SPTAN1: variants seen among roughly 807,000 people sequenced by gnomAD.
SPTAN1 encodes the protein spectrin alpha chain, non-erythrocytic 1.
A neutral mutation model predicts 331.3 loss-of-function variants in SPTAN1; 61 were observed. The observed-to-expected ratio is 0.18, with a 90% CI of 0.15 to 0.23. The LOEUF (loss-of-function observed/expected upper bound fraction) is 0.23, where lower values mean the gene tolerates loss of function less well. Ranked by LOEUF, SPTAN1 falls within the 10% of genes least tolerant of loss-of-function variation. SPTAN1 has a pLI of 1.00. For synonymous variants in SPTAN1, 1,153 were observed against 1,173.9 expected (o/e 0.98, Z 0.36); for missense variants, 2,043 against 3,147.9 (o/e 0.65, Z 8.40).
Position 128,617,623 on chromosome 9 carries a change from T to A in SPTAN1, c.5358-17T>A, listed in dbSNP as rs1857334623. 6.2e-7 allele frequency: 1 copy of A among 1,614,142 alleles called. No homozygotes were observed. Among genetic ancestry groups the A allele is most frequent in the Non-Finnish European group, 8.5e-7 (1 of 1,180,000 alleles). ...AGGTGCAGAGACTGACTGTGCTGTT[T>A]CCCATCTCTCATTCAGGGAGAAGAA... is the stretch of plus-strand genomic sequence containing the variant. On this transcript the variant is annotated splice_polypyrimidine_tract_variant and intron_variant, in intron 41 of 56. Coordinates refer to ENST00000372739, the MANE Select transcript of SPTAN1 (RefSeq NM_001130438.3).
Position 128,577,023 on chromosome 9 carries a change from A to G in SPTAN1, c.785+67A>G. 1 of 1,613,228 alleles carries G rather than the reference A, an allele frequency of 6.2e-7. No individual in the cohort carries two copies. Among genetic ancestry groups the G allele is most frequent in the South Asian group, 1.1e-5 (1 of 91,048 alleles). On this transcript the variant is annotated intron_variant, in intron 6 of 56. Coordinates refer to ENST00000372739, the MANE Select transcript of SPTAN1 (RefSeq NM_001130438.3). This position sits in a 1 kb window ranked among gnomAD's most constrained non-coding sequence, Gnocchi z 4.2. ...GGAGGGGAGTTGTGAAGCACAGGGC[A>G]TGTGCTGGTGAGCTGTCGAGGCTGA...
chr9:128,617,869 C>A (rs982622279), intron 42 of SPTAN1, 109 bp downstream of exon 42: 41 of 1,611,374 alleles, frequency 2.5e-5, no homozygotes, highest in Non-Finnish European at 3.3e-5. Flanking sequence ...TGTTCATGAC[C>A]CCTCAGTCCA....
chr9:128,570,689 T>C lies in SPTAN1; in HGVS notation c.363+1792T>C, dbSNP rs924042176. On this transcript the variant is annotated intron_variant, in intron 3 of 56. Transcript: ENST00000372739. ...ATTTATTTTTGAGATGGAGTTTTGC[T>C]CTTGTTGCCCCGGCTGGAGTGGAAT... Among the ~76,000 whole-genome samples the C allele has an allele frequency of 2.0e-5, 3 of 151,180 alleles. No individual in the cohort carries two copies. In the Admixed American group the frequency reaches 2.0e-4, roughly 10 times the overall value.
In SPTAN1 at chr9:128,577,882, G is replaced by A. The variant is rs1851484404; in HGVS notation, c.1086-228G>A. ...ACAAGGAAGTTGAAAATGTGGGACA[G>A]GATTGGGGCATTATAGTGATGGAGA... On this transcript the variant is annotated intron_variant, in intron 8 of 56. Transcript: ENST00000372739. The surrounding 1 kb of genome is among the most constrained non-coding windows in gnomAD (Gnocchi z 4.2). Among the ~76,000 whole-genome samples the A allele has an allele frequency of 1.8e-5, 1 of 54,836 alleles. No homozygotes were observed. The highest frequency in any genetic ancestry group is 5.1e-4 in the South Asian group (1 of 1,946). 36.0% of individuals were successfully genotyped at this position (54,836 alleles called of 152,430 possible). A position where few individuals can be genotyped will look rare whatever the true frequency, so the allele number is the denominator to read the frequency against.
chr9:128,603,061 G>A (rs781678941), intron 27 of SPTAN1, among the ~76,000 whole-genome samples: 4 of 152,110 alleles, frequency 2.6e-5, no homozygotes, highest in Non-Finnish European at 5.9e-5. Context: ...TGGTAAAGCC[G>A]TTGCCCTTCA....
At chr9:128,569,008 A>G (rs933058495) in intron 3 of SPTAN1, 111 bp downstream of exon 3, 13 of 1,482,198 alleles carry the variant, frequency 8.8e-6, no homozygotes, top group Admixed American at 1.8e-5. Context: ...CCAGCTTTTA[A>G]AAGAATTTAT....
chr9:128,581,488 AC>A lies in SPTAN1; in HGVS notation c.1462-293del, dbSNP rs1195834537. 3.7e-3 allele frequency among the ~76,000 whole-genome samples: 532 copies of A among 142,506 alleles called. 4 individuals are homozygous for A. The highest frequency in any genetic ancestry group is 0.015 in the African/African-American group (498 of 33,868). 93.5% of individuals were successfully genotyped at this position (142,506 alleles called of 152,430 possible). ...ATCCTGTCTCACAAAAAAAAAAAAA[AC>A]AAACAAAAAAAACAAACCTTAGCAT... On this transcript the variant is annotated intron_variant, in intron 11 of 56. Transcript: ENST00000372739.
At chr9:128,591,282 G>A (rs1184780551) in intron 21 of SPTAN1, among the ~76,000 whole-genome samples, 195 bp from the exon 22 acceptor site, 5 of 151,826 alleles carry the variant, frequency 3.3e-5, no homozygotes. Flanking sequence ...TGGCCAGGAT[G>A]GTCTCCATCT....
intron 40 of SPTAN1, among the ~76,000 whole-genome samples, chr9:128,614,261 C>T (rs1302140005): frequency 6.6e-6 from 1 of 151,926 alleles, no homozygotes; most frequent in East Asian, 1.9e-4. Flanking sequence ...TCAAGACCAG[C>T]CTGGGCAACA....
chr9:128,584,720 G>A lies in SPTAN1; in HGVS notation c.2438-1G>A. On this transcript the variant is annotated splice_acceptor_variant, in intron 17 of 56. Transcript: ENST00000372739. LOFTEE classifies it high-confidence loss of function. ...AACTGGGGACTGGTGTCTGCTTTCA[G>A]GTAAGGATTTAATTGGGGTCCAGAA... The A allele has an allele frequency of 6.2e-7, 1 of 1,614,194 alleles. No individual in the cohort carries two copies. The highest frequency in any genetic ancestry group is 8.5e-7 in the Non-Finnish European group (1 of 1,180,048).
At chr9:128,624,985 T>C in intron 46 of SPTAN1, 118 bp from the exon 47 acceptor site, 3 of 971,802 alleles carry the variant, frequency 3.1e-6, no homozygotes, top group Non-Finnish European at 4.9e-6. Context: ...GAGGCTGTAG[T>C]TAGGAAGATT....
At chr9:128,626,068 G>A in intron 48 of SPTAN1, 90 bp downstream of exon 48, 1 of 1,506,612 alleles carries the variant, frequency 6.6e-7, no homozygotes, top group East Asian at 2.3e-5. Flanking sequence ...ACTCCCCCTT[G>A]AGGAAGCTGT....
At chr9:128,598,274 CTTT>C (rs1268287662) in intron 24 of SPTAN1, 123 bp from the exon 25 acceptor site, 43 of 594,160 alleles carry the variant, frequency 7.2e-5, no homozygotes, top group Middle Eastern at 4.9e-4. Context: ...TAATCCCCCC[CTTT>C]TTTTTTTTTG....
chr9:128,555,155 G>C (rs529264666), intron 1 of SPTAN1, among the ~76,000 whole-genome samples: 1 of 152,248 alleles, frequency 6.6e-6, no homozygotes, highest in South Asian at 2.1e-4. Flanking sequence ...GGGAACCTTG[G>C]TTCTCCTTCC....
chr9:128,598,223 C>T (rs998133848), intron 24 of SPTAN1, among the ~76,000 whole-genome samples, 177 bp from the exon 25 acceptor site: 2 of 152,062 alleles, frequency 1.3e-5, no homozygotes, highest in African/African-American at 4.8e-5. Context: ...GCTGGGATTA[C>T]AGGCGTGAGC....
chr9:128,607,242 G>A (rs1485078630), intron 31 of SPTAN1, among the ~76,000 whole-genome samples: 1 of 151,680 alleles, frequency 6.6e-6, no homozygotes, highest in Non-Finnish European at 1.5e-5. Context: ...GAGCTCAAGC[G>A]ATCCTCCTGC....
At position 128,598,845 on chromosome 9, in the gene SPTAN1, C is replaced by A. The variant is rs1854663424; in HGVS notation, c.3520-118C>A. The A allele has an allele frequency of 8.7e-6, 8 of 922,120 alleles. No homozygotes were observed. In the South Asian group the frequency reaches 1.1e-4, roughly 12 times the overall value. 57.1% of individuals were successfully genotyped at this position (922,120 alleles called of 1,614,324 possible). ...AAGCTCTGCTGGACATTTGGACTGGCATTTCCATTTGTCCTTTTGGAATTA... is the reference window on the plus strand; with the variant it reads ...AAGCTCTGCTGGACATTTGGACTGGAATTTCCATTTGTCCTTTTGGAATTA... On this transcript the variant is annotated intron_variant, in intron 25 of 56. Coordinates refer to ENST00000372739, the MANE Select transcript of SPTAN1 (RefSeq NM_001130438.3).
Position 128,616,276 on chromosome 9 carries a change from C to G in SPTAN1, c.5357+436C>G, listed in dbSNP as rs1007675844. On this transcript the variant is annotated intron_variant, in intron 41 of 56. Coordinates refer to ENST00000372739, the MANE Select transcript of SPTAN1 (RefSeq NM_001130438.3). Reference sequence around the variant, plus strand: ...GTCACCAGGCTAGAATGCCACCATGCCTGGCTAATTTTTGTATTTTTAGTA... The same window carrying G: ...GTCACCAGGCTAGAATGCCACCATGGCTGGCTAATTTTTGTATTTTTAGTA... Among the ~76,000 whole-genome samples, 3 of 151,612 alleles carry G rather than the reference C, an allele frequency of 2.0e-5. No individual in the cohort carries two copies. The East Asian group carries it at 6.0e-4, about 30-fold the overall frequency.
At position 128,625,884 on chromosome 9, in the gene SPTAN1, G is replaced by A; in HGVS notation, c.6185G>A (p.Arg2062Gln). 6.2e-7 allele frequency: 1 copy of A among 1,614,152 alleles called. No individual in the cohort carries two copies. The highest frequency in any genetic ancestry group is 8.5e-7 in the Non-Finnish European group (1 of 1,180,038). ...KHVQSKAIEA[R>Q]HASLMKRWSQ... is the part of the protein sequence containing the mutation. The stretch of plus-strand genomic sequence containing the variant: ...GTTCAGTCCAAGGCCATCGAGGCCC[G>A]GCACGCCTCCCTCATGAAGAGGTGG... The change falls in exon 48 of 57, where the codon CGG becomes CAG. Residue 2062 changes from arginine to glutamine, a missense_variant. Arg to Gln is a conservative substitution (Grantham distance 43). Around this residue, in one of 12 missense-constraint regions of SPTAN1, gnomAD observed 256 missense variants for 376.4 expected, o/e 0.68. Transcript: ENST00000372739. This position sits in a 1 kb window ranked among gnomAD's most constrained non-coding sequence, Gnocchi z 4.1.
Sources: allele counts gnomAD v4.1 joint callset (sites outside exome capture counted in the v4.1 genomes callset), GRCh38; gene constraint gnomAD v4.1.1; regional missense constraint gnomAD v4.1.1; non-coding constraint Gnocchi (gnomAD v3.1); transcripts MANE v1.5; gene names NCBI Gene and HGNC (gene_info 2026-07-23, HGNC 2026-07-21).